ARHGAP15: variants seen among roughly 807,000 people sequenced by gnomAD.
ARHGAP15 encodes Rho GTPase activating protein 15.
Under a neutral mutation model 63.7 loss-of-function variants are expected in ARHGAP15, and 51 were observed. The observed-to-expected ratio is 0.80, with a 90% CI of 0.64 to 1.01. ARHGAP15 has a LOEUF of 1.01. Among genes scored for constraint, ARHGAP15 ranks in the 50% least tolerant of loss-of-function variants. The pLI, the probability that ARHGAP15 is intolerant of heterozygous loss-of-function variation, is 0.00. For synonymous variants in ARHGAP15, 191 were observed against 193.8 expected (o/e 0.99, Z 0.12); for missense variants, 560 against 564.6 (o/e 0.99, Z 0.08).
chr2:143,682,341 G>A lies in ARHGAP15; in HGVS notation c.1139-21078G>A, dbSNP rs937846200. Among the ~76,000 whole-genome samples, 7 of 151,716 alleles carry A rather than the reference G, an allele frequency of 4.6e-5. 1 individual carries two copies. In the East Asian group the frequency reaches 7.8e-4, roughly 17 times the overall value. The stretch of plus-strand genomic sequence containing the variant: ...TTTTATTGCAGGTTAAAAAAAGATA[G>A]GAATTATAACACTTAAAACAAAAAT... On this transcript the variant is annotated intron_variant, in intron 12 of 13. Coordinates refer to ENST00000295095, the MANE Select transcript of ARHGAP15 (RefSeq NM_018460.4).
intron 13 of ARHGAP15, among the ~76,000 whole-genome samples, chr2:143,754,420 T>A (rs987043350): frequency 6.6e-6 from 1 of 152,118 alleles, no homozygotes; most frequent in East Asian, 1.9e-4. Flanking sequence ...TCATTTGCAG[T>A]CATCATCCCC....
intron 4 of ARHGAP15, among the ~76,000 whole-genome samples, chr2:143,224,196 T>C (rs933637783): frequency 6.6e-6 from 1 of 151,998 alleles, no homozygotes; most frequent in Non-Finnish European, 1.5e-5. Flanking sequence ...GAAGCATAAA[T>C]TAGGAAAAAA....
intron 11 of ARHGAP15, among the ~76,000 whole-genome samples, chr2:143,580,166 T>C (rs1272680994): frequency 1.3e-5 from 2 of 151,780 alleles, no homozygotes; most frequent in African/African-American, 4.8e-5. Flanking sequence ...TTTTATGTAA[T>C]GGTGACTTAA....
At chr2:143,595,326 TAATGTC>T (rs1697469697) in intron 11 of ARHGAP15, among the ~76,000 whole-genome samples, 1 of 152,120 alleles carries the variant, frequency 6.6e-6, no homozygotes, top group South Asian at 2.1e-4. Context: ...CTAGAGCTGA[TAATGTC>T]AGGACAGCAA....
intron 6 of ARHGAP15, among the ~76,000 whole-genome samples, chr2:143,318,700 G>A (rs1015439328): frequency 2.0e-5 from 3 of 151,868 alleles, no homozygotes; most frequent in Admixed American, 6.6e-5. Context: ...AATCGACCTG[G>A]TAGGATCATG....
At chr2:143,471,130 T>C (rs1373791938) in intron 8 of ARHGAP15, among the ~76,000 whole-genome samples, 1 of 146,914 alleles carries the variant, frequency 6.8e-6, no homozygotes, top group Non-Finnish European at 1.5e-5. Flanking sequence ...TACACATACA[T>C]GTATACACAC....
intron 1 of ARHGAP15, among the ~76,000 whole-genome samples, chr2:143,143,682 T>G (rs1026896639): frequency 6.6e-6 from 1 of 150,746 alleles, no homozygotes; most frequent in Admixed American, 6.6e-5. Context: ...TTCACAGTAA[T>G]AAGAGTACAT....
intron 6 of ARHGAP15, among the ~76,000 whole-genome samples, chr2:143,328,665 A>G (rs916252052): frequency 6.6e-6 from 1 of 152,170 alleles, no homozygotes; most frequent in African/African-American, 2.4e-5. Flanking sequence ...GCAAACCACC[A>G]TGGCACATGT....
At chr2:143,271,725 C>T (rs1558857978) in intron 6 of ARHGAP15, among the ~76,000 whole-genome samples, 1 of 152,224 alleles carries the variant, frequency 6.6e-6, no homozygotes, top group African/African-American at 2.4e-5. Context: ...ATCCGCCCGC[C>T]TTGGCCTCCC....
At chr2:143,748,053 T>G (rs574145786) in intron 13 of ARHGAP15, among the ~76,000 whole-genome samples, 25 of 152,322 alleles carry the variant, frequency 1.6e-4, no homozygotes, top group African/African-American at 5.1e-4. Context: ...TTTTAGAATA[T>G]AGAACAAAAA....
chr2:143,745,984 G>C lies in ARHGAP15; in HGVS notation c.1245-22005G>C, dbSNP rs148233881. ...GTAATTAAAACTGGTGTGCAGTAAT[G>C]AGGCAAAAGCAGCTTCGTCAAATCA... On this transcript the variant is annotated intron_variant, in intron 13 of 13. Coordinates refer to ENST00000295095, the MANE Select transcript of ARHGAP15 (RefSeq NM_018460.4). Among the ~76,000 whole-genome samples the C allele has an allele frequency of 2.9e-4, 44 of 152,316 alleles. 1 individual carries two copies. The East Asian group carries it at 4.3e-3, about 15-fold the overall frequency.
chr2:143,457,835 T>C (rs1436116032), intron 8 of ARHGAP15, among the ~76,000 whole-genome samples: 1 of 151,746 alleles, frequency 6.6e-6, no homozygotes, highest in African/African-American at 2.4e-5. Context: ...CAATATCAAA[T>C]TTAATAGTAT....
At chr2:143,409,298 T>A (rs572392958) in intron 6 of ARHGAP15, among the ~76,000 whole-genome samples, 1 of 151,734 alleles carries the variant, frequency 6.6e-6, no homozygotes, top group African/African-American at 2.4e-5. Context: ...ATGAGGCAAA[T>A]GGTGCTATTT....
At chr2:143,685,496 C>T (rs1399489676) in intron 12 of ARHGAP15, among the ~76,000 whole-genome samples, 2 of 152,192 alleles carry the variant, frequency 1.3e-5, no homozygotes, top group Non-Finnish European at 1.5e-5. Context: ...TGCACTTCCT[C>T]AGAACATGCT....
At chr2:143,494,826 T>A (rs1425980172) in intron 9 of ARHGAP15, among the ~76,000 whole-genome samples, 1 of 152,186 alleles carries the variant, frequency 6.6e-6, no homozygotes, top group African/African-American at 2.4e-5. Context: ...TCAAATATCA[T>A]ATATTTTCAA....
At chr2:143,428,828 C>A (rs1258104289) in intron 6 of ARHGAP15, among the ~76,000 whole-genome samples, 1 of 151,996 alleles carries the variant, frequency 6.6e-6, no homozygotes, top group African/African-American at 2.4e-5. Context: ...GCAGCAGATT[C>A]CCAAGTGTCA....
intron 8 of ARHGAP15, among the ~76,000 whole-genome samples, chr2:143,461,363 G>A (rs557416728): frequency 1.3e-4 from 20 of 150,914 alleles, no homozygotes; most frequent in African/African-American, 3.6e-4. Flanking sequence ...TTGATGTGGC[G>A]TATTCTATTA....
intron 13 of ARHGAP15, among the ~76,000 whole-genome samples, chr2:143,709,919 G>T (rs146149778): frequency 1.3e-5 from 2 of 152,152 alleles, no homozygotes; most frequent in African/African-American, 2.4e-5. Flanking sequence ...CTCTCTGGTC[G>T]TCAGGGGCCA....
intron 6 of ARHGAP15, among the ~76,000 whole-genome samples, chr2:143,389,111 T>C (rs1026155354): frequency 1.4e-5 from 2 of 141,544 alleles, no homozygotes; most frequent in African/African-American, 5.0e-5. Flanking sequence ...TCAGACATTA[T>C]TATTATTATT....
Sources: gnomAD v4.1 joint callset for allele counts (sites outside exome capture counted in the v4.1 genomes callset) on GRCh38, gnomAD v4.1.1 for gene constraint, MANE v1.5 for transcripts, NCBI Gene and HGNC (gene_info 2026-07-23, HGNC 2026-07-21) for gene names.